Variants in PRKCH observed in about 807,000 individuals in gnomAD.
PRKCH encodes protein kinase C eta, also known as protein kinase C eta type.
In PRKCH, 28 loss-of-function variants were observed where a neutral mutation model predicts 82.5. That is an observed-to-expected ratio of 0.34 (90% CI 0.25 to 0.47). PRKCH has a LOEUF of 0.47. PRKCH is among the 20% of genes least tolerant of loss of function. The pLI, the probability that PRKCH is intolerant of heterozygous loss-of-function variation, is 1.00. For synonymous variants in PRKCH, 322 were observed against 327.4 expected, an observed-to-expected ratio of 0.98 and a Z score of 0.18; for missense variants, 705 against 881.8, an observed-to-expected ratio of 0.80 and a Z score of 2.54.
chr14:61,405,151 C>T (rs1050431191), intron 2 of PRKCH, among the ~76,000 whole-genome samples: 2 of 152,158 alleles, frequency 1.3e-5, no homozygotes, highest in Non-Finnish European at 1.5e-5. Context: ...TGTGAATTCC[C>T]TCATGGTTTC....
intron 1 of PRKCH, chr14:61,327,053 C>T (rs1216862492): frequency 2.2e-6 from 1 of 456,022 alleles, no homozygotes; most frequent in Admixed American, 2.3e-5. Context: ...ATGGAAAGAC[C>T]TTGGCGCCCC....
chr14:61,383,162 C>T (rs1269280929), intron 1 of PRKCH, among the ~76,000 whole-genome samples: 1 of 152,146 alleles, frequency 6.6e-6, no homozygotes, highest in African/African-American at 2.4e-5. Context: ...CCTTGTCATC[C>T]ATATGTCACC....
At chr14:61,436,578 G>A (rs191799900) in intron 2 of PRKCH, among the ~76,000 whole-genome samples, 53 of 152,290 alleles carry the variant, frequency 3.5e-4, no homozygotes, top group African/African-American at 1.2e-3. Flanking sequence ...TGTCGCCCAG[G>A]TTGGAGTATA....
At position 61,364,869 on chromosome 14, in the gene PRKCH, C is replaced by A. The variant is rs186347943; in HGVS notation, c.364-26356C>A. Among the ~76,000 whole-genome samples the A allele has an allele frequency of 8.8e-3, 1,330 of 151,962 alleles. 13 individuals carry two copies. Among genetic ancestry groups the A allele is most frequent in the Non-Finnish European group, 0.013 (877 of 67,982 alleles). On this transcript the variant is annotated intron_variant, in intron 1 of 13. Transcript: ENST00000332981. ...AACAATTAAAAATAAAAATAAGGAA[C>A]AGGAAGGAGTGTGGCTAGGAGGGAC...
intron 2 of PRKCH, among the ~76,000 whole-genome samples, chr14:61,433,642 A>C (rs532874233): frequency 6.6e-6 from 1 of 152,346 alleles, no homozygotes; most frequent in South Asian, 2.1e-4. Flanking sequence ...TCGTGCTATC[A>C]GCTTACTTTT....
chr14:61,339,391 T>C (rs2045900679), intron 1 of PRKCH, among the ~76,000 whole-genome samples: 2 of 149,500 alleles, frequency 1.3e-5, no homozygotes, highest in Admixed American at 1.3e-4. Flanking sequence ...TGGCGCAATC[T>C]CAGCTCACTG....
At chr14:61,227,409 C>T (rs559743202) in intron 1 of PRKCH, among the ~76,000 whole-genome samples, 20 of 152,188 alleles carry the variant, frequency 1.3e-4, no homozygotes, top group Admixed American at 3.3e-4. Context: ...CTGGCTAACA[C>T]GGTGAAACCC....
chr14:61,514,558 T>C (rs1012784779), intron 10 of PRKCH, among the ~76,000 whole-genome samples: 1 of 151,976 alleles, frequency 6.6e-6, no homozygotes, highest in African/African-American at 2.4e-5. Flanking sequence ...GCTGTAGAGG[T>C]CCCAGATGGG....
chr14:61,347,037 G>C (rs922414862), intron 1 of PRKCH, among the ~76,000 whole-genome samples: 1 of 152,158 alleles, frequency 6.6e-6, no homozygotes, highest in Non-Finnish European at 1.5e-5. Context: ...TTTGTAATCT[G>C]TTCACCGGTG....
At chr14:61,281,148 G>T in intron 1 of PRKCH, 6 of 1,344,970 alleles carry the variant, frequency 4.5e-6, no homozygotes, top group Non-Finnish European at 5.7e-6. Context: ...TCCAGGTCAT[G>T]GCGGCCGCGC....
chr14:61,195,081 A>G (rs1046926116), intron 1 of PRKCH, among the ~76,000 whole-genome samples: 1 of 152,104 alleles, frequency 6.6e-6, no homozygotes, highest in African/African-American at 2.4e-5. Context: ...TTACCTGCAT[A>G]TTTACTTTTT....
Position 61,429,972 on chromosome 14 carries a change from A to T in PRKCH, c.428-13139A>T, listed in dbSNP as rs138246782. The stretch of plus-strand genomic sequence containing the variant: ...GTAAACATGATCCCTAACCTTTCTG[A>T]AACCTTCTTTACCTTCAGTCTACAC... On this transcript the variant is annotated intron_variant, in intron 2 of 13. Transcript: ENST00000332981. Among the ~76,000 whole-genome samples, 230 of 152,236 alleles carry T rather than the reference A, an allele frequency of 1.5e-3. 1 individual carries two copies. The highest frequency in any genetic ancestry group is 3.4e-3 in the Admixed American group (52 of 15,290).
intron 1 of PRKCH, among the ~76,000 whole-genome samples, chr14:61,213,833 G>T (rs1220546746): frequency 6.6e-6 from 1 of 152,162 alleles, no homozygotes; most frequent in Non-Finnish European, 1.5e-5. Context: ...AAAAACTGGA[G>T]AAATGTATTC....
At chr14:61,302,749 T>G (rs939788049) in intron 1 of PRKCH, among the ~76,000 whole-genome samples, 4 of 152,208 alleles carry the variant, frequency 2.6e-5, no homozygotes, top group African/African-American at 9.6e-5. Flanking sequence ...ATATTCTGTA[T>G]TTTTCAATCC....
chr14:61,530,897 TC>T (rs2043037214), intron 12 of PRKCH, among the ~76,000 whole-genome samples: 1 of 152,194 alleles, frequency 6.6e-6, no homozygotes, highest in Non-Finnish European at 1.5e-5. Context: ...AGGTGATGTT[TC>T]CCCTTCATAC....
intron 1 of PRKCH, among the ~76,000 whole-genome samples, chr14:61,238,647 G>A (rs190636783): frequency 1.2e-4 from 18 of 152,074 alleles, no homozygotes; most frequent in East Asian, 1.9e-4. Flanking sequence ...CTCTTTTTCC[G>A]TTTAGTTTCA....
At chr14:61,285,290 A>G (rs1396636743) in intron 1 of PRKCH, among the ~76,000 whole-genome samples, 2 of 152,248 alleles carry the variant, frequency 1.3e-5, no homozygotes, top group Admixed American at 1.3e-4. Context: ...ACCAAGAGCT[A>G]AGCACAGAAT....
At chr14:61,368,843 G>T (rs1198495919) in intron 1 of PRKCH, among the ~76,000 whole-genome samples, 1 of 152,118 alleles carries the variant, frequency 6.6e-6, no homozygotes, top group African/African-American at 2.4e-5. Context: ...TCAAAGTGCA[G>T]TTGACAATTA....
At chr14:61,504,453 G>A (rs892598745) in intron 10 of PRKCH, among the ~76,000 whole-genome samples, 1 of 152,088 alleles carries the variant, frequency 6.6e-6, no homozygotes, top group Non-Finnish European at 1.5e-5. Flanking sequence ...GCCTCCCAAA[G>A]TGCTGGGATT....
Sources: gnomAD v4.1 joint callset for allele counts (sites outside exome capture counted in the v4.1 genomes callset) on GRCh38, gnomAD v4.1.1 for gene constraint, MANE v1.5 for transcripts, NCBI Gene and HGNC (gene_info 2026-07-23, HGNC 2026-07-21) for gene names.